PTH2R: variants seen among roughly 807,000 people sequenced by gnomAD.
The protein encoded by PTH2R is parathyroid hormone 2 receptor, also known as PTH2 receptor.
A neutral mutation model predicts 60.3 loss-of-function variants in PTH2R; 59 were observed. The observed-to-expected ratio is 0.98, with a 90% CI of 0.79 to 1.22. The LOEUF (loss-of-function observed/expected upper bound fraction) is 1.22. PTH2R is among the 50% of genes most tolerant of loss of function. The pLI, the probability that PTH2R is intolerant of heterozygous loss-of-function variation, is 0.00. For synonymous variants in PTH2R, 256 were observed against 243.8 expected (o/e 1.05, Z -0.47); for missense variants, 749 against 682.6 (o/e 1.10, Z -1.08).
At chr2:208,492,078 A>G (rs1042971251) in intron 12 of PTH2R, among the ~76,000 whole-genome samples, 2 of 152,232 alleles carry the variant, frequency 1.3e-5, no homozygotes, top group African/African-American at 2.4e-5. Context: ...GGAACTTCCA[A>G]ATAAACTCTC....
intron 8 of PTH2R, among the ~76,000 whole-genome samples, chr2:208,459,320 C>A (rs1330815420): frequency 6.6e-6 from 1 of 152,020 alleles, no homozygotes; most frequent in African/African-American, 2.4e-5. Context: ...CAAATAAATG[C>A]AAAAACTACT....
chr2:208,471,964 C>A (rs574231704), intron 9 of PTH2R, among the ~76,000 whole-genome samples: 4 of 152,340 alleles, frequency 2.6e-5, no homozygotes, highest in African/African-American at 9.6e-5. Flanking sequence ...CATTTTGGAG[C>A]TTTAAAATTT....
rs761799140 is a variant in PTH2R, at chr2:208,406,840, G to A, written c.-204G>A. ...AAGACAAGACCAACCTCGCGCCGCG[G>A]CGCAGCAGCACGCGGGTTCTGAGAA... On this transcript the variant is annotated 5_prime_UTR_variant, in exon 1 of 13. Transcript: ENST00000272847. The A allele has an allele frequency of 1.3e-5, 5 of 399,702 alleles. No homozygotes were observed. The highest frequency in any genetic ancestry group is 2.2e-5 in the Non-Finnish European group (5 of 226,734). The allele number at this position is 399,702 out of a possible 1,614,324, so 24.8% of individuals were successfully genotyped here. A position where few individuals can be genotyped will look rare whatever the true frequency, so the allele number is the denominator to read the frequency against.
intron 10 of PTH2R, among the ~76,000 whole-genome samples, chr2:208,485,785 A>T (rs1703260519): frequency 6.6e-6 from 1 of 152,128 alleles, no homozygotes. Flanking sequence ...TGTGGTTAAG[A>T]CCTATGATGG....
chr2:208,422,119 TGAG>T (rs1421376289), intron 1 of PTH2R, among the ~76,000 whole-genome samples: 1 of 152,204 alleles, frequency 6.6e-6, no homozygotes. Context: ...AATCTCATTT[TGAG>T]GGCTAGAGAA....
At chr2:208,457,483 G>A (rs1702537460) in intron 8 of PTH2R, among the ~76,000 whole-genome samples, 1 of 152,154 alleles carries the variant, frequency 6.6e-6, no homozygotes. Context: ...ACTGGAATGT[G>A]GAGCTGCTGA....
At chr2:208,429,277 T>C (rs1701922194) in intron 2 of PTH2R, among the ~76,000 whole-genome samples, 1 of 152,154 alleles carries the variant, frequency 6.6e-6, no homozygotes, top group African/African-American at 2.4e-5. Flanking sequence ...TAAAATGTGC[T>C]TGACCTATTA....
chr2:208,392,107 T>A (rs1701118896), intron 1 of PTH2R, among the ~76,000 whole-genome samples: 1 of 152,186 alleles, frequency 6.6e-6, no homozygotes, highest in Non-Finnish European at 1.5e-5. Flanking sequence ...GATGTAACAG[T>A]ATGCAGAAAA....
chr2:208,413,845 T>G (rs1403278801), intron 1 of PTH2R, among the ~76,000 whole-genome samples: 1 of 152,178 alleles, frequency 6.6e-6, no homozygotes, highest in Non-Finnish European at 1.5e-5. Context: ...AGGAGCATGC[T>G]CTCTTGCAGA....
intron 1 of PTH2R, among the ~76,000 whole-genome samples, chr2:208,418,787 G>A (rs1701693464): frequency 1.3e-5 from 2 of 151,884 alleles, no homozygotes; most frequent in Admixed American, 1.3e-4. Context: ...TCTGCATTTT[G>A]TTTTTCTTAC....
chr2:208,488,887 A>G, intron 10 of PTH2R, 125 bp from the exon 11 acceptor site: 5 of 960,810 alleles, frequency 5.2e-6, no homozygotes, highest in Non-Finnish European at 7.6e-6. Context: ...TCTCAAGAAA[A>G]GATAAAAAGA....
chr2:208,388,554 C>G (rs781418897), intron 1 of PTH2R, among the ~76,000 whole-genome samples: 2 of 152,132 alleles, frequency 1.3e-5, no homozygotes, highest in Admixed American at 6.5e-5. Flanking sequence ...TCCTTATACT[C>G]TGTGTTGGTA....
At chr2:208,417,078 T>C (rs1701655343) in intron 1 of PTH2R, among the ~76,000 whole-genome samples, 1 of 152,276 alleles carries the variant, frequency 6.6e-6, no homozygotes, top group East Asian at 1.9e-4. Context: ...AAGAGTTTAG[T>C]TTTAGGTAAC....
chr2:208,367,029 C>G (rs1188658503), intron 1 of PTH2R, among the ~76,000 whole-genome samples: 1 of 152,166 alleles, frequency 6.6e-6, no homozygotes, highest in Non-Finnish European at 1.5e-5. Flanking sequence ...GCTGGAGTCT[C>G]AGAGTCTATT....
exon 1 of PTH2R, chr2:208,360,147 T>C (rs771872094): frequency 3.2e-5 from 14 of 439,926 alleles, no homozygotes; most frequent in African/African-American, 2.5e-4. Flanking sequence ...CGAAGCAGTT[T>C]GTCACCAGCA....
intron 2 of PTH2R, among the ~76,000 whole-genome samples, chr2:208,432,893 C>A (rs1472726360): frequency 6.6e-6 from 1 of 152,122 alleles, no homozygotes; most frequent in Non-Finnish European, 1.5e-5. Context: ...GGGTGCCCAC[C>A]CTCAATGAGG....
upstream of PTH2R, among the ~76,000 whole-genome samples, chr2:208,406,438 A>G (rs1701407505): frequency 6.6e-6 from 1 of 152,176 alleles, no homozygotes; most frequent in Non-Finnish European, 1.5e-5. Context: ...AACAGCCCAG[A>G]CGCAGGGCCT....
intron 9 of PTH2R, among the ~76,000 whole-genome samples, chr2:208,469,133 T>G (rs1702822970): frequency 6.6e-6 from 1 of 152,232 alleles, no homozygotes; most frequent in Non-Finnish European, 1.5e-5. Flanking sequence ...TCTTTTCACT[T>G]GCTTTCTAAA....
intron 10 of PTH2R, among the ~76,000 whole-genome samples, chr2:208,485,449 G>A (rs1048490504): frequency 2.0e-5 from 3 of 152,136 alleles, no homozygotes; most frequent in Admixed American, 2.0e-4. Context: ...AACGTACAAT[G>A]TGCATGGGTG....
Sources: allele counts gnomAD v4.1 joint callset (sites outside exome capture counted in the v4.1 genomes callset), GRCh38; gene constraint gnomAD v4.1.1; transcripts MANE v1.5; gene names NCBI Gene and HGNC (gene_info 2026-07-23, HGNC 2026-07-21).